Variants in CNTNAP2 observed in about 807,000 individuals in gnomAD.
CNTNAP2 encodes the protein contactin-associated protein-like 2.
CNTNAP2 carries 98 observed loss-of-function variants against 155.2 expected under a neutral mutation model. The ratio of observed to expected loss-of-function variants is 0.63; its 90% CI spans 0.54 to 0.75. The LOEUF is 0.75. Ranked by LOEUF, CNTNAP2 falls within the 30% of genes least tolerant of loss-of-function variation. The pLI is 0.00. For missense variants in CNTNAP2, 1,727 were observed against 1,688.1 expected, an observed-to-expected ratio of 1.02 and a Z score of -0.40; for synonymous variants, 651 against 631.2, an observed-to-expected ratio of 1.03 and a Z score of -0.47.
chr7:147,212,835 T>C (rs111392621), intron 8 of CNTNAP2, among the ~76,000 whole-genome samples: 10,736 of 152,212 alleles, frequency 0.071, 405 homozygotes, highest in Non-Finnish European at 0.089. Context: ...TAACAGTTCT[T>C]AAATAGAAAA....
chr7:148,220,853 GT>G (rs1331426885), intron 19 of CNTNAP2, among the ~76,000 whole-genome samples: 3 of 152,070 alleles, frequency 2.0e-5, no homozygotes, highest in Admixed American at 6.5e-5. Flanking sequence ...GGGTCAATAG[GT>G]TTTTTTGACC....
At chr7:146,486,714 G>T (rs555936452) in intron 1 of CNTNAP2, among the ~76,000 whole-genome samples, 8 of 152,152 alleles carry the variant, frequency 5.3e-5, no homozygotes, top group Admixed American at 2.6e-4. Context: ...AAGTTTAATT[G>T]CCAGGACAAT....
At chr7:147,352,413 T>C (rs1285136967) in intron 9 of CNTNAP2, among the ~76,000 whole-genome samples, 2 of 151,984 alleles carry the variant, frequency 1.3e-5, no homozygotes, top group East Asian at 3.9e-4. Context: ...AAGATAGTTT[T>C]TTCTACCTCT....
At chr7:147,659,032 TA>T (rs1795574307) in intron 13 of CNTNAP2, among the ~76,000 whole-genome samples, 1 of 152,188 alleles carries the variant, frequency 6.6e-6, no homozygotes. Flanking sequence ...GATGATTGCT[TA>T]AATGTTTTCC....
At chr7:147,879,043 T>G (rs756069848) in intron 13 of CNTNAP2, among the ~76,000 whole-genome samples, 7 of 152,216 alleles carry the variant, frequency 4.6e-5, no homozygotes, top group Non-Finnish European at 1.0e-4. Flanking sequence ...GAACCTCTCT[T>G]TCGGCCTCAG....
chr7:146,172,098 CT>C (rs200060524), intron 1 of CNTNAP2, among the ~76,000 whole-genome samples: 3 of 42,312 alleles, frequency 7.1e-5, no homozygotes, highest in African/African-American at 1.5e-4. Context: ...GAAGTTTCTT[CT>C]TTTTTTTGTT....
chr7:146,386,514 G>C (rs566083999), intron 1 of CNTNAP2, among the ~76,000 whole-genome samples: 1 of 152,044 alleles, frequency 6.6e-6, no homozygotes, highest in Non-Finnish European at 1.5e-5. Flanking sequence ...TCAGCCTCCC[G>C]AGTAGCTGGG....
chr7:148,172,814 C>T (rs1386934111), intron 18 of CNTNAP2, among the ~76,000 whole-genome samples: 1 of 152,092 alleles, frequency 6.6e-6, no homozygotes, highest in Non-Finnish European at 1.5e-5. Context: ...CCTGACCCTC[C>T]CACGTTAGGA....
intron 18 of CNTNAP2, among the ~76,000 whole-genome samples, chr7:148,206,113 AT>A (rs547154428): frequency 6.6e-6 from 1 of 151,154 alleles, no homozygotes; most frequent in Non-Finnish European, 1.5e-5. Flanking sequence ...TCATATATAT[AT>A]TTTTTTATAG....
chr7:148,019,543 A>AC (rs1346996318), intron 15 of CNTNAP2, among the ~76,000 whole-genome samples: 1 of 151,166 alleles, frequency 6.6e-6, no homozygotes, highest in African/African-American at 2.4e-5. Flanking sequence ...CAATGCAACC[A>AC]CCCCCCAGGT....
chr7:148,147,478 T>C lies in CNTNAP2; in HGVS notation c.2555-13T>C. 4 of 1,613,240 alleles carry C rather than the reference T, an allele frequency of 2.5e-6. No individual in the cohort carries two copies. Among genetic ancestry groups the C allele is most frequent in the Non-Finnish European group, 3.4e-6 (4 of 1,179,178 alleles). ...AAAAATACTCATGTTTTTCATGCTT[T>C]CTGCTCCTCCAGCTGCCACAGAAGT... is the stretch of plus-strand genomic sequence containing the variant. On this transcript the variant is annotated splice_polypyrimidine_tract_variant and intron_variant, in intron 16 of 23. Transcript: ENST00000361727.
At chr7:147,706,967 C>T (rs1258928794) in intron 13 of CNTNAP2, among the ~76,000 whole-genome samples, 1 of 151,982 alleles carries the variant, frequency 6.6e-6, no homozygotes, top group East Asian at 1.9e-4. Context: ...TATTCAGTTT[C>T]ACAATTTCTG....
chr7:148,384,753 T>C (rs1799152394), intron 22 of CNTNAP2, among the ~76,000 whole-genome samples: 1 of 152,192 alleles, frequency 6.6e-6, no homozygotes, highest in African/African-American at 2.4e-5. Context: ...AGGCCTGGAT[T>C]CCAGCACCAT....
chr7:148,160,451 A>G (rs1049527127), intron 17 of CNTNAP2, among the ~76,000 whole-genome samples: 18 of 151,720 alleles, frequency 1.2e-4, no homozygotes, highest in African/African-American at 4.1e-4. Flanking sequence ...TGAACAAACT[A>G]CTATGCTAGC....
At chr7:146,199,317 C>G (rs1168660139) in intron 1 of CNTNAP2, among the ~76,000 whole-genome samples, 1 of 152,126 alleles carries the variant, frequency 6.6e-6, no homozygotes, top group Non-Finnish European at 1.5e-5. Flanking sequence ...ATATAATGCA[C>G]TAATCCAAGA....
chr7:147,242,943 G>A (rs1436874620), intron 8 of CNTNAP2, among the ~76,000 whole-genome samples: 1 of 135,662 alleles, frequency 7.4e-6, no homozygotes, highest in East Asian at 2.3e-4. Context: ...ATGAATTTGT[G>A]GTCATTATAA....
At chr7:147,926,441 G>A (rs1284508142) in intron 14 of CNTNAP2, among the ~76,000 whole-genome samples, 3 of 152,180 alleles carry the variant, frequency 2.0e-5, no homozygotes, top group African/African-American at 7.2e-5. Flanking sequence ...TTTACCTGAT[G>A]TTTGATTTAT....
intron 21 of CNTNAP2, among the ~76,000 whole-genome samples, chr7:148,319,374 A>G (rs1797750548): frequency 1.3e-5 from 2 of 152,156 alleles, no homozygotes; most frequent in Non-Finnish European, 2.9e-5. Flanking sequence ...TAATTTTTCA[A>G]TATAAAAATT....
intron 3 of CNTNAP2, among the ~76,000 whole-genome samples, chr7:146,878,510 G>A (rs1329958921): frequency 1.3e-5 from 2 of 151,786 alleles, no homozygotes; most frequent in Non-Finnish European, 2.9e-5. Flanking sequence ...ACCTAAGGTA[G>A]GAGTTAGAAA....
Sources: gnomAD v4.1 joint callset for allele counts (sites outside exome capture counted in the v4.1 genomes callset) on GRCh38, gnomAD v4.1.1 for gene constraint, MANE v1.5 for transcripts, NCBI Gene and HGNC (gene_info 2026-07-23, HGNC 2026-07-21) for gene names.